Variants in USH2A observed in about 807,000 individuals in gnomAD.
The protein encoded by USH2A is usherin.
A neutral mutation model predicts 538.9 loss-of-function variants in USH2A; 443 were observed. That is an observed-to-expected ratio of 0.82 (90% CI 0.76 to 0.89). The LOEUF is 0.89. Among genes scored for constraint, USH2A ranks in the 40% least tolerant of loss-of-function variants. The probability of loss-of-function intolerance (pLI) is 0.00; values close to 1 mark genes in which losing one functional copy is unlikely to be tolerated. For missense variants in USH2A, 6,633 were observed against 6,324.8 expected (o/e 1.05, Z -1.65); for synonymous variants, 2,413 against 2,273.5 (o/e 1.06, Z -1.75).
rs573268816 is a variant in USH2A at position 215,664,941 on chromosome 1, G to A, written c.14133+6031C>T. ...ACCCAGTCTATGATATTCCATCATAGCAGGCCTAATTTATATTATGAGGAA... is the reference window on the plus strand; with the variant it reads ...ACCCAGTCTATGATATTCCATCATAACAGGCCTAATTTATATTATGAGGAA... On this transcript the variant is annotated intron_variant, in intron 64 of 71. Coordinates refer to ENST00000307340, the MANE Select transcript of USH2A (RefSeq NM_206933.4). 5.6e-4 allele frequency among the ~76,000 whole-genome samples: 86 copies of A among 152,274 alleles called. 1 individual carries two copies. The highest frequency in any genetic ancestry group is 2.0e-3 in the African/African-American group (83 of 41,550).
Position 215,628,929 on chromosome 1 carries a change from GT to G in USH2A, c.15403del (p.Thr5135ProfsTer23), listed in dbSNP as rs770984400. On this transcript the variant is annotated frameshift_variant, in exon 71 of 72. Transcript: ENST00000307340. LOFTEE classifies it high-confidence loss of function. ...RIPSQNQTSLTYSQGSLHRSV... is the reference protein window; with the variant it reads ...RIPSQNQTSLXYSQGSLHRSV... ...GCGGTGAAGAGAACCCTGGGAGTAG[GT>G]TAGGCTGGTTTGGTTTTGACTCGGG... 5.0e-6 allele frequency: 8 copies of G among 1,614,172 alleles called. No individual in the cohort carries two copies. In the African/African-American group the frequency reaches 9.3e-5, roughly 19 times the overall value.
intron 32 of USH2A, among the ~76,000 whole-genome samples, chr1:216,035,016 T>C (rs531192279): frequency 2.0e-4 from 30 of 152,312 alleles, no homozygotes; most frequent in African/African-American, 6.5e-4. Context: ...TGGAATTGAT[T>C]ATCACCTTTT....
At chr1:216,029,337 CA>C (rs570943956) in intron 32 of USH2A, among the ~76,000 whole-genome samples, 87 of 152,146 alleles carry the variant, frequency 5.7e-4, no homozygotes, top group Non-Finnish European at 1.2e-3. Flanking sequence ...TTACAATATA[CA>C]CTTTGAAGAT....
chr1:215,731,921 C>G (rs1301185181), intron 60 of USH2A, among the ~76,000 whole-genome samples: 1 of 152,108 alleles, frequency 6.6e-6, no homozygotes, highest in Non-Finnish European at 1.5e-5. Flanking sequence ...GTTCAATGAC[C>G]TTGGGTGAAC....
At chr1:215,818,101 A>C (rs1157101505) in intron 47 of USH2A, among the ~76,000 whole-genome samples, 2 of 151,958 alleles carry the variant, frequency 1.3e-5, no homozygotes, top group Admixed American at 1.3e-4. Context: ...ATATATATGC[A>C]AACTATGTTT....
chr1:216,166,097 T>C (rs548295993), intron 21 of USH2A, among the ~76,000 whole-genome samples: 1 of 152,230 alleles, frequency 6.6e-6, no homozygotes, highest in African/African-American at 2.4e-5. Context: ...TTGGTTTCTA[T>C]AGTAGTACAT....
chr1:215,705,803 T>C (rs982442623), intron 61 of USH2A, among the ~76,000 whole-genome samples: 7 of 152,212 alleles, frequency 4.6e-5, no homozygotes, highest in African/African-American at 1.2e-4. Context: ...TCACAAATGA[T>C]ATTTTAAGGA....
At chr1:215,851,843 A>C (rs993613602) in intron 44 of USH2A, among the ~76,000 whole-genome samples, 1 of 152,094 alleles carries the variant, frequency 6.6e-6, no homozygotes, top group Non-Finnish European at 1.5e-5. Context: ...ATTCACCATG[A>C]TCAAGTAGGT....
chr1:215,734,410 C>T (rs760194530), intron 60 of USH2A, among the ~76,000 whole-genome samples: 1 of 152,268 alleles, frequency 6.6e-6, no homozygotes, highest in East Asian at 1.9e-4. Context: ...CTCTGAAATG[C>T]CTTCTAGGCC....
chr1:215,864,642 G>A (rs1664424518), intron 44 of USH2A, among the ~76,000 whole-genome samples: 1 of 152,098 alleles, frequency 6.6e-6, no homozygotes. Flanking sequence ...TTAAATGTTT[G>A]CAAATATTAT....
chr1:216,227,081 C>T (rs1393931644), intron 14 of USH2A, among the ~76,000 whole-genome samples: 14 of 152,148 alleles, frequency 9.2e-5, no homozygotes, highest in Admixed American at 8.5e-4. Flanking sequence ...ACCAGTGAAA[C>T]CTGTTCCCTC....
intron 4 of USH2A, among the ~76,000 whole-genome samples, chr1:216,350,274 C>T (rs2038257159): frequency 1.3e-5 from 2 of 152,116 alleles, no homozygotes; most frequent in South Asian, 2.1e-4. Context: ...CAAACCATGT[C>T]ATTCTGCCTC....
rs2102460218 is a variant in USH2A at position 215,888,669 on chromosome 1, C to T, written c.7980G>A (p.Glu2660=). The change falls in exon 41 of 72, where the codon GAG becomes GAA. Residue 2660 remains glutamate, a synonymous_variant. Transcript: ENST00000307340. ...CTTCTTCCTTTCCTTTGACTCTTCT[C>T]TCAATTGTGAAATTCTCCACCAAGC... is the stretch of plus-strand genomic sequence containing the variant. ...PNGLVENFTI[E]RRVKGKEEVT... is the part of the protein sequence containing the mutation. 1 of 1,614,146 alleles carries T rather than the reference C, an allele frequency of 6.2e-7. No homozygotes were observed. The highest frequency in any genetic ancestry group is 1.7e-5 in the Admixed American group (1 of 60,022).
chr1:215,836,539 TATAATATATATATATATATATATATA>T (rs1558120235), intron 47 of USH2A, among the ~76,000 whole-genome samples: 1 of 25,982 alleles, frequency 3.8e-5, no homozygotes, highest in Non-Finnish European at 6.5e-5. Context: ...TATATATATA[TATAATATATATATATATATATATATA>T]TTTTTTTTTG....
chr1:215,986,298 T>TTTTTCC (rs1667872150), intron 35 of USH2A, among the ~76,000 whole-genome samples: 1 of 134,122 alleles, frequency 7.5e-6, no homozygotes, highest in African/African-American at 2.8e-5. Flanking sequence ...TTTTTTTTTC[T>TTTTTCC]TTTTTCTTTT....
In USH2A at chr1:216,198,443, T is replaced by C. The variant is rs1273428521; in HGVS notation, c.3953A>G (p.Lys1318Arg). 1 of 1,614,004 alleles carries C rather than the reference T, an allele frequency of 6.2e-7. No individual in the cohort carries two copies. The highest frequency in any genetic ancestry group is 1.7e-5 in the Admixed American group (1 of 60,008). ...FVESANENALKPPQTMTTITG... is the reference protein window; with the variant it reads ...FVESANENALRPPQTMTTITG... ...GATGGTTGTCATTGTTTGAGGAGGT[T>C]TTAATGCATTTTCATTGGCCGATTC... is the stretch of plus-strand genomic sequence containing the variant. The change falls in exon 18 of 72, where the codon AAA becomes AGA. Residue 1318 changes from lysine to arginine, a missense_variant. Coordinates refer to ENST00000307340, the MANE Select transcript of USH2A (RefSeq NM_206933.4).
At chr1:216,023,470 A>AAAAAAAAAAAAAAC in intron 32 of USH2A, among the ~76,000 whole-genome samples, 1 of 144,874 alleles carries the variant, frequency 6.9e-6, no homozygotes, top group Non-Finnish European at 1.5e-5. Flanking sequence ...AAAAAAAAAA[A>AAAAAAAAAAAAAAC]AAAAAAAAAA....
chr1:216,065,998 ATC>A (rs1386206536), intron 30 of USH2A, among the ~76,000 whole-genome samples: 3 of 152,182 alleles, frequency 2.0e-5, no homozygotes, highest in Non-Finnish European at 4.4e-5. Context: ...TAAAAAACTA[ATC>A]TCTCTAGTAA....
At chr1:216,395,340 T>A (rs2039192737) in intron 3 of USH2A, among the ~76,000 whole-genome samples, 1 of 152,192 alleles carries the variant, frequency 6.6e-6, no homozygotes, top group South Asian at 2.1e-4. Context: ...GTGTTCACAC[T>A]CCAAAAAATA....
Sources: gnomAD v4.1 joint callset for allele counts (sites outside exome capture counted in the v4.1 genomes callset) on GRCh38, gnomAD v4.1.1 for gene constraint, MANE v1.5 for transcripts, NCBI Gene and HGNC (gene_info 2026-07-23, HGNC 2026-07-21) for gene names.